Variants in GET1 observed in about 807,000 individuals in gnomAD.
GET1 encodes the protein congenital heart disease 5 protein.
GET1 carries 20 observed loss-of-function variants against 22.6 expected under a neutral mutation model. The ratio of observed to expected loss-of-function variants is 0.89; its 90% CI spans 0.62 to 1.29. The LOEUF is 1.29. Among genes scored for constraint, GET1 ranks in the 50% most tolerant of loss-of-function variants. The pLI is 0.00. For synonymous variants in GET1, 92 were observed against 83.8 expected, an observed-to-expected ratio of 1.10 and a Z score of -0.53; for missense variants, 209 against 219.9, an observed-to-expected ratio of 0.95 and a Z score of 0.31.
At chr21:39,412,150 G>A (rs1213737388) in intron 1 of GET1, among the ~76,000 whole-genome samples, 3 of 152,152 alleles carry the variant, frequency 2.0e-5, no homozygotes, top group Admixed American at 1.3e-4. Flanking sequence ...TCATTTAAAT[G>A]AAAGTAAAAC....
chr21:39,388,974 C>G (rs2146953905), intron 1 of GET1, among the ~76,000 whole-genome samples: 1 of 152,314 alleles, frequency 6.6e-6, no homozygotes, highest in African/African-American at 2.4e-5. Flanking sequence ...GTCTGTATTT[C>G]TCTGCCTATC....
intron 1 of GET1, among the ~76,000 whole-genome samples, chr21:39,418,983 A>G (rs1569088351): frequency 1.3e-5 from 2 of 151,962 alleles, no homozygotes; most frequent in Non-Finnish European, 2.9e-5. Context: ...CCTATGTTCT[A>G]TGTATTCTTT....
At chr21:39,383,223 G>C in intron 1 of GET1, among the ~76,000 whole-genome samples, 1 of 150,680 alleles carries the variant, frequency 6.6e-6, no homozygotes, top group East Asian at 2.0e-4. Flanking sequence ...CAAAGTGCTG[G>C]GATTACAGGC....
At chr21:39,413,055 G>C (rs1569072461) in intron 1 of GET1, among the ~76,000 whole-genome samples, 1 of 152,274 alleles carries the variant, frequency 6.6e-6, no homozygotes, top group Middle Eastern at 3.4e-3. Flanking sequence ...ACAGTCAGCA[G>C]GGGACAATCA....
chr21:39,412,709 C>T (rs558532933), intron 1 of GET1, among the ~76,000 whole-genome samples: 12 of 152,282 alleles, frequency 7.9e-5, no homozygotes, highest in African/African-American at 2.6e-4. Flanking sequence ...GGGTGAGAAA[C>T]ATCTCTGAGG....
intron 1 of GET1, among the ~76,000 whole-genome samples, chr21:39,412,385 A>C (rs1207798924): frequency 6.6e-6 from 1 of 152,224 alleles, no homozygotes; most frequent in East Asian, 1.9e-4. Context: ...GAGTCTTGGC[A>C]AAACAGACAT....
intron 4 of GET1, among the ~76,000 whole-genome samples, chr21:39,394,497 T>C (rs1340175466): frequency 6.6e-6 from 1 of 152,212 alleles, no homozygotes; most frequent in East Asian, 1.9e-4. Context: ...ATGTTTTAGT[T>C]TGTTAGGGTT....
intron 1 of GET1, 182 bp downstream of exon 1, chr21:39,380,668 T>C: frequency 5.7e-6 from 8 of 1,415,302 alleles, no homozygotes; most frequent in Non-Finnish European, 7.4e-6. Flanking sequence ...TACCCCAAAA[T>C]CAGACTTTCT....
chr21:39,392,875 TCC>T, intron 3 of GET1: 1 of 359,126 alleles, frequency 2.8e-6, no homozygotes, highest in Non-Finnish European at 5.1e-6. Flanking sequence ...ATTGTGTTCA[TCC>T]TAAAACAGTG....
rs148723465 is a variant in GET1 at position 39,382,216 on chromosome 21, G to A, written c.102+1730G>A. ...ATTACCAGTACCTGCCACCATGCCC[G>A]GCTAATTTTTGTATTTTTAATAGAG... is the stretch of plus-strand genomic sequence containing the variant. On this transcript the variant is annotated intron_variant, in intron 1 of 4. Coordinates refer to ENST00000649170, the MANE Select transcript of GET1 (RefSeq NM_004627.6). Among the ~76,000 whole-genome samples the A allele has an allele frequency of 2.6e-3, 400 of 151,706 alleles. 3 individuals are homozygous for A. The highest frequency in any genetic ancestry group is 8.7e-3 in the African/African-American group (361 of 41,336).
intron 3 of GET1, among the ~76,000 whole-genome samples, chr21:39,392,557 A>G (rs930633018): frequency 1.3e-5 from 2 of 152,154 alleles, no homozygotes; most frequent in African/African-American, 2.4e-5. Flanking sequence ...ACCCTCTTTC[A>G]TGTCTCTTCT....
chr21:39,414,734 C>CTGTGTGTGTGTGTGTGTGTGTGTG (rs1446676855), intron 1 of GET1, among the ~76,000 whole-genome samples: 3 of 103,152 alleles, frequency 2.9e-5, no homozygotes, highest in African/African-American at 1.2e-4. Context: ...CTCTCTCTCT[C>CTGTGTGTGTGTGTGTGTGTGTGTG]TCTCTCTCTG....
rs1027473889 is a variant in GET1 at position 39,426,814 on chromosome 21, T to G, written c.*24-1418T>G. ...TGGAGTCCAGGCATGAGAGAAGTAC[T>G]GGACTTTTCATTTCCTGCCCTGGGC... On this transcript the variant is annotated intron_variant, in intron 1 of 1. Coordinates refer to the GET1 transcript ENST00000478273. 9.2e-5 allele frequency among the ~76,000 whole-genome samples: 14 copies of G among 152,232 alleles called. 1 individual carries two copies. The highest frequency in any genetic ancestry group is 4.4e-5 in the Non-Finnish European group (3 of 68,040).
intron 1 of GET1, among the ~76,000 whole-genome samples, chr21:39,420,522 C>CAAAAAAAA (rs397972848): frequency 0.014 from 1,186 of 86,306 alleles, 87 homozygotes; most frequent in African/African-American, 0.023. Flanking sequence ...GATTCTATCT[C>CAAAAAAAA]AAAAAAAAAA....
At chr21:39,403,779 G>A (rs532485262) in intron 4 of GET1, among the ~76,000 whole-genome samples, 2 of 148,212 alleles carry the variant, frequency 1.3e-5, no homozygotes, top group African/African-American at 5.0e-5. Flanking sequence ...TGGCCACCAC[G>A]CATGGCTAAT....
chr21:39,403,387 T>C (rs147814316), intron 4 of GET1, among the ~76,000 whole-genome samples: 7,001 of 150,768 alleles, frequency 0.046, 490 homozygotes, highest in African/African-American at 0.16. Context: ...AGTGCAGTGG[T>C]GCGATCTCGG....
chr21:39,426,946 T>C (rs1026629369), intron 1 of GET1, among the ~76,000 whole-genome samples: 3 of 152,188 alleles, frequency 2.0e-5, no homozygotes, highest in African/African-American at 4.8e-5. Flanking sequence ...CAAACACACA[T>C]AGACACAAAA....
intron 1 of GET1, chr21:39,386,209 A>G (rs1214310622): frequency 1.3e-5 from 2 of 152,286 alleles, no homozygotes; most frequent in African/African-American, 4.8e-5. Flanking sequence ...AGAGGAGGAT[A>G]TTGCAGGGTT....
chr21:39,406,128 T>C, exon 5 of GET1: 1 of 1,614,260 alleles, frequency 6.2e-7, no homozygotes, highest in African/African-American at 1.3e-5. Flanking sequence ...CTCTGAAAGT[T>C]GTATCCTTCA....
Sources: allele counts gnomAD v4.1 joint callset (sites outside exome capture counted in the v4.1 genomes callset), GRCh38; gene constraint gnomAD v4.1.1; transcripts MANE v1.5; gene names NCBI Gene and HGNC (gene_info 2026-07-23, HGNC 2026-07-21).